The following SEMA3D variants were observed in gnomAD, a reference collection of about 807,000 sequenced individuals.
SEMA3D encodes semaphorin 3D.
A neutral mutation model predicts 100.1 loss-of-function variants in SEMA3D; 84 were observed. The observed-to-expected ratio is 0.84, with a 90% CI of 0.70 to 1.01. SEMA3D has a LOEUF of 1.01. Among genes scored for constraint, SEMA3D ranks in the 50% least tolerant of loss-of-function variants. The probability of loss-of-function intolerance (pLI) is 0.00; values close to 1 mark genes in which losing one functional copy is unlikely to be tolerated. For synonymous variants in SEMA3D, 312 were observed against 320.7 expected, an observed-to-expected ratio of 0.97 and a Z score of 0.29; for missense variants, 875 against 934.1, an observed-to-expected ratio of 0.94 and a Z score of 0.82.
chr7:85,145,504 T>C lies in SEMA3D; in HGVS notation c.-41+8104A>G, dbSNP rs1016503507. 6.6e-5 allele frequency among the ~76,000 whole-genome samples: 10 copies of C among 152,200 alleles called. 1 individual carries two copies. The South Asian group carries it at 1.9e-3, about 28-fold the overall frequency. On this transcript the variant is annotated intron_variant, in intron 2 of 18. Coordinates refer to ENST00000284136, the MANE Select transcript of SEMA3D (RefSeq NM_001384900.1). ...AATGCCATTCTAAAAGCTATGTTGC[T>C]GGAATCTTGGAAGACTAAATCTACA...
At chr7:85,248,723 T>C in the SEMA3D span, among the ~76,000 whole-genome samples, 1 of 151,932 alleles carries the variant, frequency 6.6e-6, no homozygotes, top group Non-Finnish European at 1.5e-5. Context: ...GAAATCAACC[T>C]GAAAAACCTA....
chr7:85,198,048 C>T, the SEMA3D span, among the ~76,000 whole-genome samples: 1 of 152,136 alleles, frequency 6.6e-6, no homozygotes, highest in Admixed American at 6.5e-5. Flanking sequence ...ACAAAGCCTT[C>T]TCATTTATAG....
intron 3 of SEMA3D, among the ~76,000 whole-genome samples, chr7:85,112,502 T>G (rs550683054): frequency 3.9e-4 from 60 of 152,304 alleles, no homozygotes; most frequent in African/African-American, 1.3e-3. Flanking sequence ...TTTTATATCT[T>G]AATATTTATC....
chr7:85,138,357 C>T (rs143761740), intron 2 of SEMA3D, among the ~76,000 whole-genome samples: 90 of 151,956 alleles, frequency 5.9e-4, no homozygotes, highest in African/African-American at 2.2e-3. Context: ...GGCACGATCT[C>T]TGCTCACTGC....
chr7:85,097,811 A>T lies in SEMA3D; in HGVS notation c.306T>A (p.Phe102Leu). Residue 102 changes from phenylalanine to leucine, a missense_variant, in exon 4 of 19, where the codon TTT becomes TTA. Transcript: ENST00000284136. ...LLSLVDLNKN[F>L]KKIYWPAAKE... Reference sequence around the variant, plus strand: ...TATATATAAATATACTGACCTTCTTAAAATTTTTGTTTAAGTCAACCAGAC... The same window carrying T: ...TATATATAAATATACTGACCTTCTTTAAATTTTTGTTTAAGTCAACCAGAC... 6.3e-7 allele frequency: 1 copy of T among 1,582,854 alleles called. No homozygotes were observed. Among genetic ancestry groups the T allele is most frequent in the African/African-American group, 1.4e-5 (1 of 73,984 alleles).
At chr7:85,168,652 T>C (rs772833135) in intron 1 of SEMA3D, among the ~76,000 whole-genome samples, 1 of 149,796 alleles carries the variant, frequency 6.7e-6, no homozygotes, top group Non-Finnish European at 1.5e-5. Context: ...TTTTAATTAC[T>C]TTTGCACCAA....
At chr7:85,049,678 G>C (rs1791106527) in intron 9 of SEMA3D, among the ~76,000 whole-genome samples, 2 of 151,788 alleles carry the variant, frequency 1.3e-5, no homozygotes, top group African/African-American at 4.8e-5. Flanking sequence ...CAGCTCAACA[G>C]AGATCAATAA....
chr7:85,101,370 CAT>C (rs1474435321), intron 3 of SEMA3D, among the ~76,000 whole-genome samples: 1 of 151,976 alleles, frequency 6.6e-6, no homozygotes, highest in African/African-American at 2.4e-5. Flanking sequence ...TTGAACCATG[CAT>C]TGCATTGTTA....
At chr7:85,151,576 T>A in intron 2 of SEMA3D, 1 of 904,656 alleles carries the variant, frequency 1.1e-6, no homozygotes, top group Non-Finnish European at 1.3e-6. Flanking sequence ...CCGTAGTTGA[T>A]GTGTGTATGC....
chr7:85,185,300 C>T (rs929490845), intron 1 of SEMA3D, among the ~76,000 whole-genome samples: 2 of 152,072 alleles, frequency 1.3e-5, no homozygotes. Context: ...CGCCTCAACC[C>T]TTCCCTCTCT....
chr7:85,163,121 C>G (rs1288864796), intron 1 of SEMA3D: 3 of 360,636 alleles, frequency 8.3e-6, no homozygotes, highest in African/African-American at 6.7e-5. Context: ...AAAAAAAAGG[C>G]ACTTGGAAAG....
At chr7:85,113,497 G>A (rs1451235598) in intron 3 of SEMA3D, among the ~76,000 whole-genome samples, 2 of 151,694 alleles carry the variant, frequency 1.3e-5, no homozygotes, top group Non-Finnish European at 2.9e-5. Flanking sequence ...AATGGGCCGG[G>A]CGCGGTGGTT....
chr7:85,182,128 G>A (rs1432227718), intron 1 of SEMA3D, among the ~76,000 whole-genome samples: 1 of 146,010 alleles, frequency 6.8e-6, no homozygotes, highest in Non-Finnish European at 1.6e-5. Context: ...AATTTAGGAT[G>A]AATTAACATG....
chr7:85,054,901 G>C (rs1015106946), intron 9 of SEMA3D, among the ~76,000 whole-genome samples: 14 of 152,156 alleles, frequency 9.2e-5, no homozygotes, highest in African/African-American at 3.4e-4. Context: ...GATTCTAGTA[G>C]CAACATTATT....
intron 7 of SEMA3D, among the ~76,000 whole-genome samples, chr7:85,066,942 A>AGAGAGAGAGAGAGAGAGAGAGG (rs1562803729): frequency 6.6e-6 from 1 of 151,500 alleles, no homozygotes; most frequent in Non-Finnish European, 1.5e-5. Context: ...AGAGAGAGAG[A>AGAGAGAGAGAGAGAGAGAGAGG]GAGAACTCCA....
intron 2 of SEMA3D, chr7:85,151,653 T>C (rs992827396): frequency 8.2e-6 from 8 of 981,350 alleles, no homozygotes; most frequent in Admixed American, 6.2e-5. Context: ...CAATTCTCAG[T>C]ATATTATAGT....
chr7:85,088,622 C>T (rs1788291949), intron 4 of SEMA3D, among the ~76,000 whole-genome samples: 1 of 152,132 alleles, frequency 6.6e-6, no homozygotes, highest in Non-Finnish European at 1.5e-5. Flanking sequence ...GAGGTGTTTT[C>T]CTGTTGCAAA....
the SEMA3D span, among the ~76,000 whole-genome samples, chr7:85,201,182 T>C: frequency 6.6e-6 from 1 of 152,200 alleles, no homozygotes; most frequent in Non-Finnish European, 1.5e-5. Flanking sequence ...AGTTCTCTTT[T>C]GTTTTCATAG....
chr7:85,012,489 G>C (rs1465102084), intron 17 of SEMA3D, among the ~76,000 whole-genome samples: 1 of 151,628 alleles, frequency 6.6e-6, no homozygotes, highest in African/African-American at 2.4e-5. Flanking sequence ...ATCTCTAATA[G>C]CAGTTTTCAA....
Sources: allele counts gnomAD v4.1 joint callset (sites outside exome capture counted in the v4.1 genomes callset), GRCh38; gene constraint gnomAD v4.1.1; transcripts MANE v1.5; gene names NCBI Gene and HGNC (gene_info 2026-07-23, HGNC 2026-07-21).